Variants in VPS33A observed in about 807,000 individuals in gnomAD.
The protein encoded by VPS33A is vacuolar protein sorting-associated protein 33A.
VPS33A carries 32 observed loss-of-function variants against 71.8 expected under a neutral mutation model. The ratio of observed to expected loss-of-function variants is 0.45; its 90% CI spans 0.34 to 0.60. The LOEUF is 0.60. Ranked by LOEUF, VPS33A falls within the 20% of genes least tolerant of loss-of-function variation. VPS33A has a pLI of 0.02. For synonymous variants in VPS33A, 311 were observed against 292.7 expected (o/e 1.06, Z -0.64); for missense variants, 625 against 748.5 (o/e 0.84, Z 1.92).
At chr12:122,260,371 C>T (rs949939838) in intron 4 of VPS33A, among the ~76,000 whole-genome samples, 3 of 151,920 alleles carry the variant, frequency 2.0e-5, no homozygotes, top group Admixed American at 2.0e-4. Context: ...GCAATCTCGG[C>T]TTACTGCAAC....
At chr12:122,240,055 C>A in intron 8 of VPS33A, 110 bp from the exon 9 acceptor site, 6 of 794,850 alleles carry the variant, frequency 7.5e-6, no homozygotes, top group South Asian at 1.5e-5. Flanking sequence ...TGGCTGGGCA[C>A]GGTGGCTCAC....
intron 9 of VPS33A, 21 bp from the exon 10 acceptor site, chr12:122,238,745 A>T: frequency 1.3e-6 from 2 of 1,598,792 alleles, no homozygotes; most frequent in Non-Finnish European, 1.7e-6. Context: ...AGTAGCATAC[A>T]TATACATATA....
intron 6 of VPS33A, among the ~76,000 whole-genome samples, chr12:122,245,463 G>A (rs1224351852): frequency 2.1e-5 from 3 of 140,810 alleles, no homozygotes; most frequent in Non-Finnish European, 3.1e-5. Context: ...TTTTTTTTGA[G>A]ACGGAGTTTC....
chr12:122,255,054 G>GAAAAAAAAAAAAAAAAAAAAAA (rs35670853), intron 4 of VPS33A, among the ~76,000 whole-genome samples: 1 of 129,796 alleles, frequency 7.7e-6, no homozygotes, highest in African/African-American at 2.7e-5. Flanking sequence ...CAGTTTCAAG[G>GAAAAAAAAAAAAAAAAAAAAAA]AAAAAAAAAA....
chr12:122,238,938 CCACACACACACCCTGGCCACCACACA>C (rs1954669361), intron 9 of VPS33A, among the ~76,000 whole-genome samples: 1 of 146,874 alleles, frequency 6.8e-6, no homozygotes, highest in Non-Finnish European at 1.5e-5. Flanking sequence ...CTAGCCCCAG[CCACACACACACCCTGGCCACCACACA>C]CACACACACA....
chr12:122,235,008 A>T (rs1425923869), intron 11 of VPS33A, among the ~76,000 whole-genome samples: 1 of 152,030 alleles, frequency 6.6e-6, no homozygotes, highest in Admixed American at 6.6e-5. Flanking sequence ...TTTGAGACAG[A>T]GTCTTACTGT....
At chr12:122,262,991 CTTTT>C (rs35647648) in intron 3 of VPS33A, among the ~76,000 whole-genome samples, 3 of 127,844 alleles carry the variant, frequency 2.3e-5, no homozygotes, top group East Asian at 2.1e-4. Context: ...CAATTACACT[CTTTT>C]TTTTTTTTTT....
intron 9 of VPS33A, 96 bp from the exon 10 acceptor site, chr12:122,238,820 G>A: frequency 8.5e-7 from 1 of 1,177,708 alleles, no homozygotes; most frequent in Non-Finnish European, 1.2e-6. Flanking sequence ...ACATGGTTTA[G>A]GAACTTAACT....
intron 4 of VPS33A, among the ~76,000 whole-genome samples, chr12:122,259,610 G>A (rs1237062300): frequency 6.6e-6 from 1 of 152,048 alleles, no homozygotes; most frequent in Non-Finnish European, 1.5e-5. Flanking sequence ...CCAAAAAGTG[G>A]AAACAACCCA....
intron 9 of VPS33A, among the ~76,000 whole-genome samples, chr12:122,239,160 G>T (rs1187859683): frequency 1.3e-5 from 2 of 152,262 alleles, no homozygotes; most frequent in East Asian, 1.9e-4. Flanking sequence ...CATTTCAATA[G>T]TATCAACAAC....
Position 122,266,297 on chromosome 12 carries a change from C to T in VPS33A, c.102+10G>A, listed in dbSNP as rs146490592. The T allele has an allele frequency of 1.1e-3, 1,705 of 1,609,158 alleles. 16 individuals are homozygous for T. In the African/African-American group the frequency reaches 0.018, roughly 17 times the overall value. Reference sequence around the variant, plus strand: ...AGGCGAGGGCGGTGTCGCTGCCTCCCGCCCCTCACCTTGCTTCCTGCGCAC... The same window carrying T: ...AGGCGAGGGCGGTGTCGCTGCCTCCTGCCCCTCACCTTGCTTCCTGCGCAC... On this transcript the variant is annotated intron_variant, in intron 1 of 12. Coordinates refer to ENST00000267199, the MANE Select transcript of VPS33A (RefSeq NM_022916.6).
At chr12:122,244,343 T>G (rs1296694274) in intron 7 of VPS33A, among the ~76,000 whole-genome samples, 2 of 152,168 alleles carry the variant, frequency 1.3e-5, no homozygotes, top group African/African-American at 4.8e-5. Flanking sequence ...CACTTGCGCC[T>G]CCACCTACCC....
intron 4 of VPS33A, among the ~76,000 whole-genome samples, chr12:122,258,841 C>T (rs1298009610): frequency 2.0e-5 from 3 of 151,698 alleles, no homozygotes; most frequent in African/African-American, 7.3e-5. Context: ...ACTAGCCAGG[C>T]GTGGTGGTGC....
chr12:122,263,124 C>T (rs551905598), intron 3 of VPS33A, among the ~76,000 whole-genome samples: 91 of 151,746 alleles, frequency 6.0e-4, no homozygotes, highest in African/African-American at 1.6e-3. Context: ...TCCCGAGTAG[C>T]TGGGACTACA....
At chr12:122,249,505 G>A (rs1265753896) in intron 6 of VPS33A, 1 of 156,674 alleles carries the variant, frequency 6.4e-6, no homozygotes, top group Admixed American at 6.5e-5. Context: ...AATTACAAGT[G>A]TGAGCCACCA....
rs1369857038 is a variant in VPS33A, at chr12:122,230,482, G to A, written c.*1764C>T. 6.6e-6 allele frequency: 1 copy of A among 152,252 alleles called. No individual in the cohort carries two copies. Among genetic ancestry groups the A allele is most frequent in the Admixed American group, 6.5e-5 (1 of 15,270 alleles). The allele number at this position is 152,252 out of a possible 1,614,324, so 9.4% of individuals were successfully genotyped here. A position where few individuals can be genotyped will look rare whatever the true frequency, so the allele number is the denominator to read the frequency against. ...TGTAATCCCAGCTACTCAGGAGGCT[G>A]AGGCATGAGAATCGTCTGAACCCGG... On this transcript the variant is annotated 3_prime_UTR_variant, in exon 13 of 13. Coordinates refer to ENST00000267199, the MANE Select transcript of VPS33A (RefSeq NM_022916.6).
Position 122,231,676 on chromosome 12 carries a change from G to A in VPS33A, c.*570C>T, listed in dbSNP as rs2136118890. On this transcript the variant is annotated 3_prime_UTR_variant, in exon 13 of 13. Coordinates refer to ENST00000267199, the MANE Select transcript of VPS33A (RefSeq NM_022916.6). ...CCCCACCATCCTTAATGTATTTCCA[G>A]AGGTCTCTAATGAAGACCCTGAGCT... The A allele has an allele frequency of 6.5e-6, 1 of 155,034 alleles. No individual in the cohort carries two copies. The highest frequency in any genetic ancestry group is 1.9e-4 in the East Asian group (1 of 5,388). The allele number at this position is 155,034 out of a possible 1,614,324, so 9.6% of individuals were successfully genotyped here. A position where few individuals can be genotyped will look rare whatever the true frequency, so the allele number is the denominator to read the frequency against.
chr12:122,237,263 C>A (rs1954640607), intron 10 of VPS33A, among the ~76,000 whole-genome samples: 1 of 152,134 alleles, frequency 6.6e-6, no homozygotes, highest in East Asian at 1.9e-4. Flanking sequence ...GCAGAAAGTT[C>A]TTTTCCTCCG....
intron 1 of VPS33A, 77 bp from the exon 2 acceptor site, chr12:122,264,276 C>A: frequency 8.8e-7 from 1 of 1,131,458 alleles, no homozygotes; most frequent in South Asian, 2.0e-5. Context: ...AATAGCCTAA[C>A]AGGAGGAGTA....
Sources: gnomAD v4.1 joint callset for allele counts (sites outside exome capture counted in the v4.1 genomes callset) on GRCh38, gnomAD v4.1.1 for gene constraint, MANE v1.5 for transcripts, NCBI Gene and HGNC (gene_info 2026-07-23, HGNC 2026-07-21) for gene names.